The following ZNF385D variants were observed in gnomAD, a reference collection of about 807,000 sequenced individuals.
The protein encoded by ZNF385D is zinc finger protein 385D, also known as zinc finger protein 659.
A neutral mutation model predicts 35.8 loss-of-function variants in ZNF385D; 15 were observed. The observed-to-expected ratio is 0.42, with a 90% confidence interval of 0.28 to 0.64. The LOEUF is 0.64. Ranked by LOEUF, ZNF385D falls within the 30% of genes least tolerant of loss-of-function variation. The pLI is 0.23. For synonymous variants in ZNF385D, 212 were observed against 186.8 expected (o/e 1.13, Z -1.10); for missense variants, 474 against 494.6 (o/e 0.96, Z 0.39).
intron 2 of ZNF385D, among the ~76,000 whole-genome samples, chr3:22,266,529 G>A (rs1281457497): frequency 6.6e-6 from 1 of 151,704 alleles, no homozygotes; most frequent in East Asian, 1.9e-4. Flanking sequence ...AACAATACCT[G>A]GGAAAATTAC....
chr3:22,352,683 A>C (rs1418020679), intron 2 of ZNF385D, among the ~76,000 whole-genome samples: 1 of 152,150 alleles, frequency 6.6e-6, no homozygotes, highest in Non-Finnish European at 1.5e-5. Flanking sequence ...TCACCAAGCA[A>C]TTCCAAATTA....
intron 3 of ZNF385D, among the ~76,000 whole-genome samples, chr3:22,095,223 G>A (rs1576310529): frequency 6.6e-6 from 1 of 150,628 alleles, no homozygotes; most frequent in African/African-American, 2.4e-5. Context: ...GATAGCACCT[G>A]GTCCCCAAAT....
rs61668943 is a variant in ZNF385D, at chr3:22,180,914, C to CTTTTTTTTTTTTTTTTTTTTTTTTTTTTT, written c.107-11880_107-11879insAAAAAAAAAAAAAAAAAAAAAAAAAAAAA. Among the ~76,000 whole-genome samples the CTTTTTTTTTTTTTTTTTTTTTTTTTTTTT allele has an allele frequency of 3.8e-4, 43 of 112,954 alleles. 5 individuals carry two copies. The highest frequency in any genetic ancestry group is 1.4e-3 in the African/African-American group (33 of 23,784). 74.1% of individuals were successfully genotyped at this position (112,954 alleles called of 152,430 possible). On this transcript the variant is annotated intron_variant, in intron 2 of 5. Transcript: ENST00000494108. ...AATCCAGTAGCTATATGCTTTTGTT[C>CTTTTTTTTTTTTTTTTTTTTTTTTTTTTT]TTTTTTTTTTTTTTTTAAGAGACAG...
chr3:22,209,961 G>A (rs1697411601), intron 2 of ZNF385D, among the ~76,000 whole-genome samples: 1 of 151,630 alleles, frequency 6.6e-6, no homozygotes. Context: ...TCTAGATATT[G>A]AAAACTTCTT....
chr3:21,570,776 C>A (rs898759838), intron 2 of ZNF385D, among the ~76,000 whole-genome samples: 1 of 152,262 alleles, frequency 6.6e-6, no homozygotes, highest in East Asian at 1.9e-4. Context: ...GTGCGTCTCT[C>A]AGGCACCATA....
chr3:22,120,756 G>A (rs1703049994), intron 3 of ZNF385D, among the ~76,000 whole-genome samples: 3 of 152,070 alleles, frequency 2.0e-5, no homozygotes, highest in African/African-American at 7.2e-5. Context: ...ACCTCTATGA[G>A]GCAGTTCTTG....
chr3:21,451,943 A>T (rs1460752427), intron 4 of ZNF385D, among the ~76,000 whole-genome samples: 2 of 152,042 alleles, frequency 1.3e-5, no homozygotes, highest in African/African-American at 4.8e-5. Flanking sequence ...GTAAAGAGCT[A>T]AGTATTAAAA....
chr3:22,050,343 C>G (rs561060217), intron 3 of ZNF385D, among the ~76,000 whole-genome samples: 1 of 152,074 alleles, frequency 6.6e-6, no homozygotes, highest in East Asian at 1.9e-4. Context: ...GCCTGAGTGA[C>G]AGAGCAAGAC....
intron 3 of ZNF385D, among the ~76,000 whole-genome samples, chr3:21,553,266 A>C (rs775219719): frequency 7.9e-5 from 12 of 152,164 alleles, no homozygotes; most frequent in African/African-American, 2.7e-4. Context: ...AAATATTGCA[A>C]TTTGGTTCCA....
chr3:21,906,551 G>C (rs1699693449), intron 3 of ZNF385D, among the ~76,000 whole-genome samples: 1 of 152,090 alleles, frequency 6.6e-6, no homozygotes, highest in African/African-American at 2.4e-5. Context: ...ATCACTTAAT[G>C]ATTTCATATG....
At chr3:21,791,161 A>G (rs2071911630) in intron 3 of ZNF385D, among the ~76,000 whole-genome samples, 1 of 152,180 alleles carries the variant, frequency 6.6e-6, no homozygotes, top group Admixed American at 6.5e-5. Flanking sequence ...GCTTTATTGC[A>G]TGTTTTCTGT....
chr3:22,245,515 A>C (rs1253124419), intron 2 of ZNF385D, among the ~76,000 whole-genome samples: 1 of 151,980 alleles, frequency 6.6e-6, no homozygotes, highest in Non-Finnish European at 1.5e-5. Context: ...CAGAAAAATT[A>C]AAGTAGGGAG....
At chr3:21,524,297 A>T (rs1371246953) in intron 3 of ZNF385D, among the ~76,000 whole-genome samples, 2 of 152,192 alleles carry the variant, frequency 1.3e-5, no homozygotes, top group African/African-American at 2.4e-5. Flanking sequence ...AGCCACTGGG[A>T]AATGTCATTT....
At chr3:21,609,658 G>T (rs935757977) in intron 2 of ZNF385D, among the ~76,000 whole-genome samples, 7 of 152,164 alleles carry the variant, frequency 4.6e-5, no homozygotes, top group Admixed American at 2.0e-4. Context: ...GACCCACAGT[G>T]GTAATAGTCA....
chr3:22,361,932 T>C (rs1366741940), intron 2 of ZNF385D, among the ~76,000 whole-genome samples: 1 of 151,948 alleles, frequency 6.6e-6, no homozygotes, highest in Non-Finnish European at 1.5e-5. Flanking sequence ...GTTTTTAGTA[T>C]ATGAACTAGC....
chr3:21,883,843 G>C (rs1698402430), intron 3 of ZNF385D, among the ~76,000 whole-genome samples: 1 of 152,004 alleles, frequency 6.6e-6, no homozygotes, highest in Non-Finnish European at 1.5e-5. Context: ...AATGTAGACT[G>C]AACTACATAT....
At position 22,284,500 on chromosome 3, in the gene ZNF385D, ATTTT is replaced by A. The variant is rs546606889; in HGVS notation, c.106+87946_106+87949del. 5.3e-5 allele frequency among the ~76,000 whole-genome samples: 8 copies of A among 151,788 alleles called. No individual in the cohort carries two copies. In the South Asian group the frequency reaches 1.7e-3, roughly 32 times the overall value. On this transcript the variant is annotated intron_variant, in intron 2 of 5. Transcript: ENST00000494108. ...CCACTGCACCTGTCCCCAACACAGG[ATTTT>A]TTTTAATGACCCAAATCTTTTATAC...
chr3:21,662,095 A>T (rs1041730470), intron 2 of ZNF385D, among the ~76,000 whole-genome samples: 1 of 152,144 alleles, frequency 6.6e-6, no homozygotes, highest in Admixed American at 6.6e-5. Flanking sequence ...ACTTTGCTTT[A>T]TAAAGGTCAT....
At chr3:22,025,772 T>G (rs535982095) in intron 3 of ZNF385D, among the ~76,000 whole-genome samples, 1 of 152,212 alleles carries the variant, frequency 6.6e-6, no homozygotes, top group East Asian at 1.9e-4. Context: ...GACCTATTCA[T>G]CCCAGCTGGG....
Sources: gnomAD v4.1 joint callset for allele counts (sites outside exome capture counted in the v4.1 genomes callset) on GRCh38, gnomAD v4.1.1 for gene constraint, MANE v1.5 for transcripts, NCBI Gene and HGNC (gene_info 2026-07-23, HGNC 2026-07-21) for gene names.